The following SPAST variants were observed in gnomAD, a reference collection of about 807,000 sequenced individuals.
The protein encoded by SPAST is spastic paraplegia 4 (autosomal dominant; spastin).
SPAST carries 30 observed loss-of-function variants against 76.6 expected under a neutral mutation model. That is an observed-to-expected ratio of 0.39 (90% CI 0.29 to 0.53). The LOEUF (loss-of-function observed/expected upper bound fraction) is 0.53, where lower values mean the gene tolerates loss of function less well. SPAST is among the 20% of genes least tolerant of loss of function. SPAST has a pLI of 0.68. For synonymous variants in SPAST, 305 were observed against 281.0 expected (o/e 1.09, Z -0.86); for missense variants, 717 against 770.5 (o/e 0.93, Z 0.82).
At position 32,115,845 on chromosome 2, in the gene SPAST, G is replaced by T; in HGVS notation, c.1004+10G>T. 1 of 1,600,010 alleles carries T rather than the reference G, an allele frequency of 6.2e-7. No homozygotes were observed. The highest frequency in any genetic ancestry group is 8.5e-7 in the Non-Finnish European group (1 of 1,170,070). On this transcript the variant is annotated intron_variant, in intron 6 of 16. Transcript: ENST00000315285. ...ATGAAATTGTGGACAAGTAAGTTTTGCCATCTAAATGTTTTATTTTATAGT... is the reference window on the plus strand; with the variant it reads ...ATGAAATTGTGGACAAGTAAGTTTTTCCATCTAAATGTTTTATTTTATAGT...
chr2:32,123,796 G>A (rs1214756043), intron 7 of SPAST, among the ~76,000 whole-genome samples: 2 of 152,140 alleles, frequency 1.3e-5, no homozygotes, highest in South Asian at 2.1e-4. Flanking sequence ...TCAACAAATG[G>A]TATAGGACAA....
chr2:32,081,746 T>C (rs1007395479), intron 1 of SPAST, among the ~76,000 whole-genome samples: 1 of 131,140 alleles, frequency 7.6e-6, no homozygotes, highest in Non-Finnish European at 1.6e-5. Flanking sequence ...ATCATACCAT[T>C]TCACTCCAGC....
At chr2:32,101,795 T>C (rs1678136436) in intron 4 of SPAST, among the ~76,000 whole-genome samples, 1 of 152,140 alleles carries the variant, frequency 6.6e-6, no homozygotes, top group Non-Finnish European at 1.5e-5. Context: ...AGATGTGTGG[T>C]ATTATTTCTG....
At chr2:32,096,012 T>C (rs1299109851) in intron 3 of SPAST, among the ~76,000 whole-genome samples, 3 of 152,216 alleles carry the variant, frequency 2.0e-5, no homozygotes, top group African/African-American at 7.2e-5. Flanking sequence ...TCCTCTCCAG[T>C]AGATCACTCA....
In SPAST at chr2:32,063,704, GGAGCTCCTGA is replaced by G. The variant is rs1676375348; in HGVS notation, c.-125_-116del. ...GCCGGCGGGCAGCGTGCGGCAGTGCGGAGCTCCTGAGACCGGCGGGCACACGGGGGTCTGT... is the reference window on the plus strand; with the variant it reads ...GCCGGCGGGCAGCGTGCGGCAGTGCGGACCGGCGGGCACACGGGGGTCTGT... On this transcript the variant is annotated 5_prime_UTR_variant, in exon 1 of 17. Transcript: ENST00000315285. 1 of 1,289,350 alleles carries G rather than the reference GGAGCTCCTGA, an allele frequency of 7.8e-7. No individual in the cohort carries two copies. Among genetic ancestry groups the G allele is most frequent in the East Asian group, 2.6e-5 (1 of 38,714 alleles). The allele number at this position is 1,289,350 out of a possible 1,614,324, so 79.9% of individuals were successfully genotyped here.
chr2:32,082,157 T>C (rs964392929), intron 1 of SPAST, among the ~76,000 whole-genome samples: 2 of 151,040 alleles, frequency 1.3e-5, no homozygotes, highest in African/African-American at 4.9e-5. Context: ...CACGCCCAGC[T>C]AATGTTTGTA....
At chr2:32,112,095 GGCACA>G (rs1678637203) in intron 4 of SPAST, among the ~76,000 whole-genome samples, 1 of 150,472 alleles carries the variant, frequency 6.6e-6, no homozygotes, top group South Asian at 2.1e-4. Context: ...TGGGATTACA[GGCACA>G]CACCACCATG....
intron 1 of SPAST, among the ~76,000 whole-genome samples, chr2:32,085,205 CTT>C (rs11399879): frequency 1.4e-4 from 17 of 119,724 alleles, no homozygotes; most frequent in South Asian, 2.6e-4. Flanking sequence ...TCTTCTTCTT[CTT>C]TTTTTTTTTT....
rs548243762 is a variant in SPAST at position 32,126,101 on chromosome 2, G to A, written c.1099-847G>A. Among the ~76,000 whole-genome samples the A allele has an allele frequency of 1.2e-4, 18 of 152,168 alleles. No homozygotes were observed. In the East Asian group the frequency reaches 3.1e-3, roughly 26 times the overall value. On this transcript the variant is annotated intron_variant, in intron 7 of 16. Coordinates refer to ENST00000315285, the MANE Select transcript of SPAST (RefSeq NM_014946.4). The stretch of plus-strand genomic sequence containing the variant: ...TGAGCCACTGTAAGCCACCGTGCCC[G>A]GCCAGTTCCTCTGTTTTTGACTGCC...
At chr2:32,109,752 C>T (rs1007926040) in intron 4 of SPAST, among the ~76,000 whole-genome samples, 1 of 148,362 alleles carries the variant, frequency 6.7e-6, no homozygotes, top group Admixed American at 6.8e-5. Context: ...TATGTATAAG[C>T]TATCTGTATA....
chr2:32,134,947 T>G (rs375949902), intron 9 of SPAST, among the ~76,000 whole-genome samples: 1 of 151,140 alleles, frequency 6.6e-6, no homozygotes, highest in African/African-American at 2.4e-5. Context: ...CCACCCACCT[T>G]GGCCTCCCAA....
chr2:32,145,632 GAGA>G (rs1679860801), intron 15 of SPAST, among the ~76,000 whole-genome samples: 1 of 147,504 alleles, frequency 6.8e-6, no homozygotes, highest in South Asian at 2.3e-4. Flanking sequence ...AATTCTATAA[GAGA>G]AGTTTTCACT....
intron 7 of SPAST, among the ~76,000 whole-genome samples, chr2:32,122,778 T>TA (rs147606111): frequency 1.3e-3 from 192 of 147,280 alleles, no homozygotes; most frequent in African/African-American, 3.8e-3. Flanking sequence ...CATCTATATT[T>TA]AAAAAAAAAA....
intron 1 of SPAST, among the ~76,000 whole-genome samples, chr2:32,086,383 T>C (rs1425140939): frequency 2.0e-5 from 3 of 151,866 alleles, no homozygotes; most frequent in African/African-American, 7.3e-5. Flanking sequence ...GATGGATCAC[T>C]TGAGCCCAGG....
At chr2:32,072,523 A>G (rs1009070990) in intron 1 of SPAST, among the ~76,000 whole-genome samples, 3 of 151,900 alleles carry the variant, frequency 2.0e-5, no homozygotes, top group African/African-American at 7.3e-5. Context: ...TCCAACCCCC[A>G]CTTCTCATTA....
intron 4 of SPAST, among the ~76,000 whole-genome samples, chr2:32,112,659 G>GT (rs201428152): frequency 0.1 from 14,898 of 144,312 alleles, 782 homozygotes; most frequent in Middle Eastern, 0.2. Context: ...TGTGGATTTT[G>GT]TTTTTTTTTT....
At chr2:32,130,263 C>G (rs1421081788) in intron 9 of SPAST, 1 of 152,216 alleles carries the variant, frequency 6.6e-6, no homozygotes, top group African/African-American at 2.4e-5. Context: ...CCAATGCATT[C>G]CAACCTGGGC....
Position 32,063,670 on chromosome 2 carries a change from A to AG in SPAST, c.-158dup. 1 of 900,072 alleles carries AG rather than the reference A, an allele frequency of 1.1e-6. No individual in the cohort carries two copies. The highest frequency in any genetic ancestry group is 1.6e-6 in the Non-Finnish European group (1 of 614,300). The allele number at this position is 900,072 out of a possible 1,614,324, so 55.8% of individuals were successfully genotyped here. A position where few individuals can be genotyped will look rare whatever the true frequency, so the allele number is the denominator to read the frequency against. ...TGTGCTCCTGGCCGAGGAAGGAGAAAGGGGCGGGGCCGGCGGGCAGCGTGC... is the reference window on the plus strand; with the variant it reads ...TGTGCTCCTGGCCGAGGAAGGAGAAAGGGGGCGGGGCCGGCGGGCAGCGTGC... On this transcript the variant is annotated 5_prime_UTR_variant, in exon 1 of 17. Transcript: ENST00000315285.
chr2:32,064,215 C>T lies in SPAST; in HGVS notation c.384C>T (p.Ser128=), dbSNP rs1676415485. ...ACAAACAGGCCTTCGAGTACATCTC[C>T]ATTGCCCTGCGCATCGATGAGGATG... ...VFHKQAFEYI[S]IALRIDEDEK... is the part of the protein sequence containing the mutation. Residue 128 remains serine, a synonymous_variant, in exon 1 of 17, where the codon TCC becomes TCT. Coordinates refer to ENST00000315285, the MANE Select transcript of SPAST (RefSeq NM_014946.4). The T allele has an allele frequency of 1.3e-6, 2 of 1,549,686 alleles. No individual in the cohort carries two copies. The highest frequency in any genetic ancestry group is 2.7e-5 in the African/African-American group (2 of 72,910).
Sources: allele counts gnomAD v4.1 joint callset (sites outside exome capture counted in the v4.1 genomes callset), GRCh38; gene constraint gnomAD v4.1.1; transcripts MANE v1.5; gene names NCBI Gene and HGNC (gene_info 2026-07-23, HGNC 2026-07-21).